PCCB: variants seen among roughly 807,000 people sequenced by gnomAD.
PCCB encodes the protein propionyl-CoA carboxylase beta chain, mitochondrial.
A neutral mutation model predicts 60.7 loss-of-function variants in PCCB; 43 were observed. The observed-to-expected ratio is 0.71, with a 90% CI of 0.55 to 0.91. The LOEUF (loss-of-function observed/expected upper bound fraction) is 0.91, where lower values mean the gene tolerates loss of function less well. Ranked by LOEUF, PCCB falls within the 40% of genes least tolerant of loss-of-function variation. The probability of loss-of-function intolerance (pLI) is 0.00; values close to 1 mark genes in which losing one functional copy is unlikely to be tolerated. For missense variants in PCCB, 766 were observed against 702.8 expected (o/e 1.09, Z -1.02); for synonymous variants, 276 against 255.9 (o/e 1.08, Z -0.75).
intron 9 of PCCB, among the ~76,000 whole-genome samples, chr3:136,303,112 T>C (rs931336677): frequency 8.2e-6 from 1 of 122,486 alleles, no homozygotes; most frequent in Non-Finnish European, 1.8e-5. Context: ...ATTTTATCTT[T>C]CCAGTTATTT....
chr3:136,318,927 A>G (rs1429166647), intron 10 of PCCB, among the ~76,000 whole-genome samples: 2 of 152,148 alleles, frequency 1.3e-5, no homozygotes, highest in African/African-American at 4.8e-5. Flanking sequence ...CTGGGTGTGT[A>G]CCCAGAAGCA....
intron 1 of PCCB, among the ~76,000 whole-genome samples, chr3:136,253,193 C>A (rs957737336): frequency 3.4e-5 from 5 of 148,986 alleles, no homozygotes; most frequent in South Asian, 2.1e-4. Context: ...GGGTTCATGC[C>A]GTTCTCCTGC....
At chr3:136,275,621 C>T (rs377345712) in intron 5 of PCCB, among the ~76,000 whole-genome samples, 15 of 151,846 alleles carry the variant, frequency 9.9e-5, no homozygotes, top group Admixed American at 2.0e-4. Flanking sequence ...TTTCTTTTTC[C>T]TCTTCACTAA....
At chr3:136,299,296 G>A (rs1421905628) in intron 8 of PCCB, among the ~76,000 whole-genome samples, 1 of 151,814 alleles carries the variant, frequency 6.6e-6, no homozygotes, top group South Asian at 2.1e-4. Context: ...GTACGTATAT[G>A]CATATATATG....
intron 9 of PCCB, 103 bp downstream of exon 9, chr3:136,301,214 C>G (rs1050838209): frequency 1.2e-6 from 1 of 864,888 alleles, no homozygotes; most frequent in African/African-American, 1.6e-5. Flanking sequence ...GCCTCCATGT[C>G]AGACAGCACA....
intron 1 of PCCB, among the ~76,000 whole-genome samples, chr3:136,252,629 G>A (rs530798007): frequency 4.7e-5 from 7 of 149,692 alleles, no homozygotes; most frequent in Non-Finnish European, 1.0e-4. Context: ...CTGGGCTCCA[G>A]TGATCCTTCC....
At position 136,295,628 on chromosome 3, in the gene PCCB, A is replaced by T. The variant is rs577933332; in HGVS notation, c.763+1764A>T. On this transcript the variant is annotated intron_variant, in intron 7 of 14. Coordinates refer to ENST00000251654, the MANE Select transcript of PCCB (RefSeq NM_000532.5). ...TTAGATTTGATGAAATATGCTGTTT[A>T]TTTTTCCCCATTTTAATAGCATTAT... Among the ~76,000 whole-genome samples, 4 of 152,292 alleles carry T rather than the reference A, an allele frequency of 2.6e-5. No individual in the cohort carries two copies. The East Asian group carries it at 7.7e-4, about 29-fold the overall frequency.
At chr3:136,329,472 C>A (rs1396184426) in intron 14 of PCCB, among the ~76,000 whole-genome samples, 1 of 152,132 alleles carries the variant, frequency 6.6e-6, no homozygotes, top group Non-Finnish European at 1.5e-5. Flanking sequence ...ATTTTATAGG[C>A]CAAGAAAACT....
chr3:136,319,084 A>T (rs773147945), intron 10 of PCCB, among the ~76,000 whole-genome samples: 1 of 152,186 alleles, frequency 6.6e-6, no homozygotes, highest in South Asian at 2.1e-4. Flanking sequence ...CTTATTATTA[A>T]TTTTTAAAAA....
intron 9 of PCCB, among the ~76,000 whole-genome samples, chr3:136,310,239 T>C (rs1284595904): frequency 6.6e-6 from 1 of 152,092 alleles, no homozygotes; most frequent in Admixed American, 6.6e-5. Context: ...GGTACATGCC[T>C]GTAATCCCCG....
At chr3:136,282,467 G>C (rs990367221) in intron 5 of PCCB, among the ~76,000 whole-genome samples, 2 of 152,026 alleles carry the variant, frequency 1.3e-5, no homozygotes, top group African/African-American at 4.8e-5. Flanking sequence ...TATTTTTTGA[G>C]TTATTTTTAG....
At chr3:136,299,574 GTGTA>G (rs754914709) in intron 8 of PCCB, among the ~76,000 whole-genome samples, 78 of 111,522 alleles carry the variant, frequency 7.0e-4, no homozygotes, top group Non-Finnish European at 9.9e-4. Context: ...GTATATGCAT[GTGTA>G]TGTATAGGTA....
intron 1 of PCCB, chr3:136,252,379 T>G (rs1273396167): frequency 2.2e-6 from 1 of 453,982 alleles, no homozygotes; most frequent in East Asian, 7.0e-5. Flanking sequence ...CCAGAGTACC[T>G]GGGGTTACAG....
chr3:136,321,906 A>G (rs932563696), intron 10 of PCCB, among the ~76,000 whole-genome samples: 2 of 152,212 alleles, frequency 1.3e-5, no homozygotes, highest in Non-Finnish European at 2.9e-5. Context: ...GATTTTCTGT[A>G]TGGACAATTT....
chr3:136,287,318 G>T (rs915579535), intron 6 of PCCB, among the ~76,000 whole-genome samples: 6 of 152,016 alleles, frequency 3.9e-5, no homozygotes, highest in African/African-American at 1.4e-4. Flanking sequence ...CATGGCTTCT[G>T]GCTCATTATG....
chr3:136,278,349 C>T (rs1272069635), intron 5 of PCCB, among the ~76,000 whole-genome samples: 1 of 152,106 alleles, frequency 6.6e-6, no homozygotes, highest in Non-Finnish European at 1.5e-5. Context: ...TTTAAAAGGT[C>T]TGTGGATTCT....
At chr3:136,253,049 CGGGTTGAGAGCTT>C (rs1032841753) in intron 1 of PCCB, among the ~76,000 whole-genome samples, 1 of 128,784 alleles carries the variant, frequency 7.8e-6, no homozygotes, top group Non-Finnish European at 1.6e-5. Context: ...GTATTTGCCT[CGGGTTGAGAGCTT>C]GGGAGTCCAA....
At chr3:136,297,919 T>G in intron 7 of PCCB, 33 bp from the exon 8 acceptor site, 1 of 1,613,806 alleles carries the variant, frequency 6.2e-7, no homozygotes, top group Non-Finnish European at 8.5e-7. Context: ...GCTGGTACCC[T>G]GACTCAATCA....
chr3:136,300,786 G>A (rs1934240746), intron 8 of PCCB, among the ~76,000 whole-genome samples: 1 of 152,176 alleles, frequency 6.6e-6, no homozygotes, highest in African/African-American at 2.4e-5. Context: ...ACGTTTAGAG[G>A]AATAAACTCA....
Sources: gnomAD v4.1 joint callset for allele counts (sites outside exome capture counted in the v4.1 genomes callset) on GRCh38, gnomAD v4.1.1 for gene constraint, MANE v1.5 for transcripts, NCBI Gene and HGNC (gene_info 2026-07-23, HGNC 2026-07-21) for gene names.